Variants in CPO observed in about 807,000 individuals in gnomAD.
The protein encoded by CPO is carboxypeptidase O, also known as metallocarboxypeptidase C.
CPO carries 43 observed loss-of-function variants against 41.2 expected under a neutral mutation model. That is an observed-to-expected ratio of 1.04 (90% CI 0.82 to 1.35). CPO has a LOEUF of 1.35. CPO is among the 40% of genes most tolerant of loss of function. The probability of loss-of-function intolerance (pLI) is 0.00; values close to 1 mark genes in which losing one functional copy is unlikely to be tolerated. For missense variants in CPO, 408 were observed against 451.7 expected (o/e 0.90, Z 0.88); for synonymous variants, 178 against 162.7 (o/e 1.09, Z -0.72).
intron 7 of CPO, among the ~76,000 whole-genome samples, chr2:206,963,636 C>T (rs1054033354): frequency 6.6e-6 from 1 of 152,136 alleles, no homozygotes; most frequent in Non-Finnish European, 1.5e-5. Flanking sequence ...GCATATTATC[C>T]CAAGTTTCCT....
intron 8 of CPO, among the ~76,000 whole-genome samples, chr2:206,968,926 T>C (rs1396380677): frequency 6.6e-6 from 1 of 152,236 alleles, no homozygotes; most frequent in Non-Finnish European, 1.5e-5. Context: ...TAAGAAACTT[T>C]AGCCAAACCT....
intron 3 of CPO, 118 bp from the exon 4 acceptor site, chr2:206,958,183 A>G: frequency 1.8e-6 from 1 of 565,194 alleles, no homozygotes; most frequent in East Asian, 3.0e-5. Context: ...CTCCCTCTTG[A>G]AACCACAGAG....
rs981906366 is a variant in CPO at position 206,946,150 on chromosome 2, C to G, written c.69-3467C>G. Among the ~76,000 whole-genome samples, 3 of 151,898 alleles carry G rather than the reference C, an allele frequency of 2.0e-5. No homozygotes were observed. In the East Asian group the frequency reaches 5.8e-4, roughly 29 times the overall value. On this transcript the variant is annotated intron_variant, in intron 1 of 8. Transcript: ENST00000272852. Reference sequence around the variant, plus strand: ...ACTCATTTTATGAGATCAGTATTATCTTAATGCCAAAATCAAAGAATTAAA... The same window carrying G: ...ACTCATTTTATGAGATCAGTATTATGTTAATGCCAAAATCAAAGAATTAAA...
chr2:206,955,140 A>G (rs897472602), intron 2 of CPO, among the ~76,000 whole-genome samples: 2 of 152,262 alleles, frequency 1.3e-5, no homozygotes, highest in African/African-American at 4.8e-5. Context: ...TGTGTGCCAC[A>G]TGAAAGCTAA....
At chr2:206,958,728 G>GTTTTTTTT (rs752377148) in intron 4 of CPO, among the ~76,000 whole-genome samples, 1 of 53,334 alleles carries the variant, frequency 1.9e-5, no homozygotes, top group Non-Finnish European at 3.5e-5. Flanking sequence ...AAATTTTCTA[G>GTTTTTTTT]TTTTTTTTTT....
chr2:206,948,494 C>T (rs539037942), intron 1 of CPO, among the ~76,000 whole-genome samples: 188 of 152,262 alleles, frequency 1.2e-3, no homozygotes, highest in African/African-American at 4.4e-3. Context: ...CCTGGCTCAG[C>T]GGCTCACACT....
intron 3 of CPO, among the ~76,000 whole-genome samples, chr2:206,957,904 C>T (rs377752551): frequency 2.6e-4 from 39 of 152,254 alleles, no homozygotes; most frequent in African/African-American, 8.9e-4. Context: ...TTGAATATTA[C>T]CTCTTGTGCA....
Position 206,949,594 on chromosome 2 carries a change from C to T in CPO, c.69-23C>T, listed in dbSNP as rs528866916. ...TATCCCAGTTTCACCACTGCTTTTC[C>T]TCTTACTTTCTTCCCTTTGCAGATC... On this transcript the variant is annotated intron_variant, in intron 1 of 8. Coordinates refer to ENST00000272852, the MANE Select transcript of CPO (RefSeq NM_173077.3). The T allele has an allele frequency of 5.7e-6, 9 of 1,581,326 alleles. No individual in the cohort carries two copies. The African/African-American group carries it at 9.4e-5, about 17-fold the overall frequency.
intron 1 of CPO, among the ~76,000 whole-genome samples, chr2:206,943,736 A>AGATAGATGATGGATAGAT (rs1693082933): frequency 1.2e-5 from 1 of 83,314 alleles, no homozygotes; most frequent in Non-Finnish European, 2.4e-5. Context: ...GATGATAGAT[A>AGATAGATGATGGATAGAT]GATAGATAGA....
chr2:206,939,667 G>A lies in CPO; in HGVS notation c.68G>A (p.Arg23Lys). ...GTTCCTGGAGGGCTGGGATATGATA[G>A]GTGAGTGTAAAGTGGGAAGAGGAAC... is the stretch of plus-strand genomic sequence containing the variant. ...MLVPGGLGYD[R>K]SLAQHRQEIV... Residue 23 changes from arginine to lysine, a missense_variant and splice_region_variant, in exon 1 of 9, where the codon AGA becomes AAA. Arg to Lys is a conservative substitution (Grantham distance 26). Coordinates refer to ENST00000272852, the MANE Select transcript of CPO (RefSeq NM_173077.3). 1.2e-6 allele frequency: 2 copies of A among 1,609,812 alleles called. No homozygotes were observed. The highest frequency in any genetic ancestry group is 1.7e-6 in the Non-Finnish European group (2 of 1,176,798).
At chr2:206,960,026 C>T (rs1693449323) in intron 5 of CPO, among the ~76,000 whole-genome samples, 1 of 152,054 alleles carries the variant, frequency 6.6e-6, no homozygotes, top group Admixed American at 6.5e-5. Context: ...GATTGCCTGC[C>T]ACCCAATTAG....
chr2:206,968,788 T>TG (rs544017777), intron 8 of CPO, among the ~76,000 whole-genome samples: 36 of 152,338 alleles, frequency 2.4e-4, no homozygotes, highest in African/African-American at 8.2e-4. Flanking sequence ...CCACCCTCTA[T>TG]GAGCCCCCCT....
intron 6 of CPO, 57 bp from the exon 7 acceptor site, chr2:206,962,355 T>C (rs1693495776): frequency 1.3e-6 from 2 of 1,500,902 alleles, no homozygotes; most frequent in African/African-American, 2.8e-5. Flanking sequence ...TCCTTGCCAT[T>C]GGTCATTTCC....
intron 4 of CPO, among the ~76,000 whole-genome samples, chr2:206,958,954 T>C (rs995089634): frequency 7.9e-5 from 12 of 151,876 alleles, no homozygotes; most frequent in Admixed American, 1.3e-4. Flanking sequence ...TTGGTCAGAC[T>C]GGTCTGGAAC....
intron 1 of CPO, among the ~76,000 whole-genome samples, chr2:206,947,495 T>A (rs1453881966): frequency 1.3e-5 from 2 of 152,196 alleles, no homozygotes; most frequent in Non-Finnish European, 2.9e-5. Context: ...GGTATGGTGA[T>A]GAGTTTTTAG....
intron 7 of CPO, among the ~76,000 whole-genome samples, chr2:206,965,792 G>C (rs1362511649): frequency 1.3e-5 from 2 of 152,130 alleles, no homozygotes; most frequent in Admixed American, 6.6e-5. Context: ...ATTGGCAAAT[G>C]AGTTTTTATT....
intron 1 of CPO, among the ~76,000 whole-genome samples, chr2:206,942,021 G>A (rs186158107): frequency 6.6e-6 from 1 of 151,984 alleles, no homozygotes; most frequent in East Asian, 1.9e-4. Context: ...ACACAATAAG[G>A]TATTATCTCT....
chr2:206,962,945 T>C (rs1008685212), intron 7 of CPO, among the ~76,000 whole-genome samples: 1 of 152,220 alleles, frequency 6.6e-6, no homozygotes, highest in Admixed American at 6.5e-5. Context: ...TGGAGCTCCG[T>C]TCAGCAATTA....
At chr2:206,959,602 T>C in intron 4 of CPO, 29 bp from the exon 5 acceptor site, 2 of 974,474 alleles carry the variant, frequency 2.1e-6, no homozygotes, top group Non-Finnish European at 3.3e-6. Flanking sequence ...CTCAAAATAA[T>C]TCTGAACATT....
Sources: allele counts gnomAD v4.1 joint callset (sites outside exome capture counted in the v4.1 genomes callset), GRCh38; gene constraint gnomAD v4.1.1; transcripts MANE v1.5; gene names NCBI Gene and HGNC (gene_info 2026-07-23, HGNC 2026-07-21).